The following OXR1 variants were observed in gnomAD, a reference collection of about 807,000 sequenced individuals.
The protein encoded by OXR1 is oxidation resistance 1.
Under a neutral mutation model 104.6 loss-of-function variants are expected in OXR1, and 41 were observed. That is an observed-to-expected ratio of 0.39 (90% CI 0.31 to 0.51). The LOEUF (loss-of-function observed/expected upper bound fraction) is 0.51, where lower values mean the gene tolerates loss of function less well. Among genes scored for constraint, OXR1 ranks in the 20% least tolerant of loss-of-function variants. The probability of loss-of-function intolerance (pLI) is 0.77; values close to 1 mark genes in which losing one functional copy is unlikely to be tolerated. For missense variants in OXR1, 955 were observed against 1,031.9 expected (o/e 0.93, Z 1.02); for synonymous variants, 348 against 348.4 (o/e 1.00, Z 0.01).
At chr8:106,455,376 G>A (rs1180820963) in intron 2 of OXR1, among the ~76,000 whole-genome samples, 1 of 152,074 alleles carries the variant, frequency 6.6e-6, no homozygotes, top group Non-Finnish European at 1.5e-5. Context: ...CCCAGAGACC[G>A]GAACCTAAAT....
At chr8:106,421,897 A>G (rs866783288) in intron 2 of OXR1, among the ~76,000 whole-genome samples, 2 of 129,366 alleles carry the variant, frequency 1.5e-5, no homozygotes, top group Non-Finnish European at 3.2e-5. Context: ...ATATAGCTAT[A>G]AGAGTGGCTA....
Position 106,611,128 on chromosome 8 carries a change from T to C in OXR1, c.221-68082T>C, listed in dbSNP as rs143329802. Among the ~76,000 whole-genome samples the C allele has an allele frequency of 2.2e-3, 339 of 152,306 alleles. 1 individual carries two copies. Among genetic ancestry groups the C allele is most frequent in the Non-Finnish European group, 4.0e-3 (275 of 68,028 alleles). ...AACTTGTACAGGGTGCTGACCTAGA[T>C]ACAGTAGTCAGAGAACACCCCTCTA... On this transcript the variant is annotated intron_variant, in intron 3 of 16. Transcript: ENST00000517566.
intron 2 of OXR1, among the ~76,000 whole-genome samples, chr8:106,388,726 A>T (rs574150257): frequency 6.6e-6 from 1 of 152,126 alleles, no homozygotes; most frequent in African/African-American, 2.4e-5. Flanking sequence ...CCAGCCTTTC[A>T]GTTCTTTAAG....
In OXR1 at chr8:106,679,204, T is replaced by C. The variant is rs1345774398; in HGVS notation, c.221-6T>C. On this transcript the variant is annotated splice_region_variant and splice_polypyrimidine_tract_variant and intron_variant, in intron 3 of 16. Transcript: ENST00000517566. ...ATTTAATAGGAATTTTGCCTTTTTT[T>C]CCCAGACACTGGCCAAAAGAAGACC... 7 of 1,596,046 alleles carry C rather than the reference T, an allele frequency of 4.4e-6. No homozygotes were observed. The highest frequency in any genetic ancestry group is 6.0e-6 in the Non-Finnish European group (7 of 1,167,798).
intron 3 of OXR1, among the ~76,000 whole-genome samples, chr8:106,566,695 C>G (rs552626018): frequency 2.0e-5 from 3 of 152,324 alleles, no homozygotes; most frequent in South Asian, 4.1e-4. Flanking sequence ...GCACTATTCA[C>G]AATAGCAAAC....
At chr8:106,685,084 G>T (rs995591929) in intron 6 of OXR1, among the ~76,000 whole-genome samples, 3 of 152,024 alleles carry the variant, frequency 2.0e-5, no homozygotes, top group African/African-American at 7.2e-5. Context: ...TTATTTGATG[G>T]ATATCTTCTT....
At chr8:106,419,368 TG>T (rs1818812018) in intron 2 of OXR1, among the ~76,000 whole-genome samples, 1 of 152,182 alleles carries the variant, frequency 6.6e-6, no homozygotes, top group Admixed American at 6.6e-5. Context: ...GGTGGTGTAT[TG>T]GTTTGTTCAA....
chr8:106,388,904 T>C (rs1817489465), intron 2 of OXR1, among the ~76,000 whole-genome samples: 1 of 152,240 alleles, frequency 6.6e-6, no homozygotes. Flanking sequence ...CAAAGAGATC[T>C]TTCTGTTCTC....
chr8:106,578,453 A>T (rs1420979331), intron 3 of OXR1, among the ~76,000 whole-genome samples: 1 of 152,236 alleles, frequency 6.6e-6, no homozygotes, highest in Non-Finnish European at 1.5e-5. Context: ...GTTAACAGGG[A>T]TACTCATATG....
At chr8:106,389,058 A>G (rs1363046070) in intron 2 of OXR1, among the ~76,000 whole-genome samples, 1 of 152,202 alleles carries the variant, frequency 6.6e-6, no homozygotes, top group Non-Finnish European at 1.5e-5. Flanking sequence ...AATAAGAAGA[A>G]TCATAGCACT....
chr8:106,589,182 T>C (rs1470668386), intron 3 of OXR1, among the ~76,000 whole-genome samples: 2 of 152,074 alleles, frequency 1.3e-5, no homozygotes, highest in Non-Finnish European at 2.9e-5. Flanking sequence ...TACTGGGTGG[T>C]GAGCTGGCAC....
At chr8:106,288,297 C>T (rs768036215) in intron 1 of OXR1, among the ~76,000 whole-genome samples, 36 of 152,052 alleles carry the variant, frequency 2.4e-4, no homozygotes, top group Non-Finnish European at 3.7e-4. Flanking sequence ...GGAACATTGC[C>T]GACAGCCTGA....
intron 2 of OXR1, among the ~76,000 whole-genome samples, chr8:106,406,920 C>T (rs1236771084): frequency 1.4e-5 from 2 of 143,156 alleles, no homozygotes; most frequent in Non-Finnish European, 3.0e-5. Flanking sequence ...AAAGTAATTG[C>T]GGTTCTTGCT....
intron 16 of OXR1, among the ~76,000 whole-genome samples, chr8:106,746,723 A>G (rs1426135300): frequency 6.6e-6 from 1 of 152,116 alleles, no homozygotes; most frequent in Non-Finnish European, 1.5e-5. Flanking sequence ...GATCATGGTT[A>G]TTGTAGCCTT....
intron 3 of OXR1, among the ~76,000 whole-genome samples, chr8:106,613,008 G>A (rs1242335082): frequency 6.6e-6 from 1 of 152,112 alleles, no homozygotes; most frequent in Non-Finnish European, 1.5e-5. Flanking sequence ...AGTCAGTGCA[G>A]CTCAGGGAAA....
rs571979430 is a variant in OXR1 at position 106,540,226 on chromosome 8, T to C, written c.220+21087T>C. On this transcript the variant is annotated intron_variant, in intron 3 of 16. Transcript: ENST00000517566. ...AAGGAATCAGGAGCACAGAGATACATGTTAACAGTGGAACACCCGAGGAGC... is the reference window on the plus strand; with the variant it reads ...AAGGAATCAGGAGCACAGAGATACACGTTAACAGTGGAACACCCGAGGAGC... Among the ~76,000 whole-genome samples the C allele has an allele frequency of 2.6e-5, 4 of 152,134 alleles. No individual in the cohort carries two copies. The South Asian group carries it at 6.2e-4, about 24-fold the overall frequency.
At chr8:106,554,359 T>C (rs992376835) in intron 3 of OXR1, among the ~76,000 whole-genome samples, 3 of 152,154 alleles carry the variant, frequency 2.0e-5, no homozygotes, top group Non-Finnish European at 4.4e-5. Flanking sequence ...CCGCAAGGGA[T>C]TTTTCAAGGG....
intron 7 of OXR1, chr8:106,697,957 T>C (rs1830220824): frequency 1.4e-5 from 22 of 1,612,746 alleles, no homozygotes; most frequent in Non-Finnish European, 1.9e-5. Context: ...ATACTGTTTC[T>C]CAATCTTCTG....
At chr8:106,549,026 C>A (rs1815592052) in intron 3 of OXR1, among the ~76,000 whole-genome samples, 1 of 152,074 alleles carries the variant, frequency 6.6e-6, no homozygotes, top group Admixed American at 6.6e-5. Context: ...AGAAGAAATT[C>A]TGTTGCCTGC....
Sources: gnomAD v4.1 joint callset for allele counts (sites outside exome capture counted in the v4.1 genomes callset) on GRCh38, gnomAD v4.1.1 for gene constraint, MANE v1.5 for transcripts, NCBI Gene and HGNC (gene_info 2026-07-23, HGNC 2026-07-21) for gene names.